The following BMPR1B variants were observed in gnomAD, a reference collection of about 807,000 sequenced individuals.
BMPR1B encodes bone morphogenetic protein receptor type-1B.
A neutral mutation model predicts 59.1 loss-of-function variants in BMPR1B; 12 were observed. That is an observed-to-expected ratio of 0.20 (90% CI 0.13 to 0.33). The LOEUF is 0.33. Among genes scored for constraint, BMPR1B ranks in the 10% least tolerant of loss-of-function variants. The pLI, the probability that BMPR1B is intolerant of heterozygous loss-of-function variation, is 1.00. For missense variants in BMPR1B, 550 were observed against 610.9 expected (o/e 0.90, Z 1.05); for synonymous variants, 237 against 207.3 (o/e 1.14, Z -1.23).
At chr4:94,943,310 T>C (rs897663483) in intron 2 of BMPR1B, among the ~76,000 whole-genome samples, 1 of 152,122 alleles carries the variant, frequency 6.6e-6, no homozygotes, top group African/African-American at 2.4e-5. Flanking sequence ...CAGCTAATTT[T>C]GTATTTTTAG....
intron 1 of BMPR1B, among the ~76,000 whole-genome samples, chr4:94,836,023 T>C (rs375373341): frequency 1.5e-4 from 23 of 149,304 alleles, no homozygotes; most frequent in African/African-American, 5.7e-4. Flanking sequence ...GGTTTTTTGT[T>C]CTTGTGATAG....
At chr4:94,761,612 A>G (rs139975356) in intron 1 of BMPR1B, among the ~76,000 whole-genome samples, 34 of 152,224 alleles carry the variant, frequency 2.2e-4, no homozygotes, top group African/African-American at 7.0e-4. Context: ...TTTTGTTTTA[A>G]AAAAGGCTAA....
chr4:94,834,285 T>C (rs17428564), intron 1 of BMPR1B, among the ~76,000 whole-genome samples: 18,373 of 152,176 alleles, frequency 0.12, 1,169 homozygotes, highest in Non-Finnish European at 0.13. Flanking sequence ...GCAAGAGCTT[T>C]ACAAGTGTAG....
intron 2 of BMPR1B, among the ~76,000 whole-genome samples, chr4:94,909,701 A>G (rs1408181533): frequency 6.6e-6 from 1 of 151,878 alleles, no homozygotes; most frequent in Non-Finnish European, 1.5e-5. Flanking sequence ...CCCTCTCACT[A>G]TAATTATTTG....
intron 3 of BMPR1B, among the ~76,000 whole-genome samples, chr4:95,071,648 G>GCATATATATA (rs1430593586): frequency 9.8e-4 from 103 of 104,754 alleles, no homozygotes; most frequent in African/African-American, 3.9e-3. Context: ...GTGTGTGTGT[G>GCATATATATA]TGTGTATATA....
At chr4:94,975,301 T>C (rs777238788) in intron 2 of BMPR1B, among the ~76,000 whole-genome samples, 6 of 152,110 alleles carry the variant, frequency 3.9e-5, no homozygotes, top group Admixed American at 2.0e-4. Context: ...TTGGATAATT[T>C]AGTGATCAAA....
chr4:94,864,233 A>G lies in BMPR1B; in HGVS notation c.-182-11598A>G, dbSNP rs150452195. ...ATTACTGGGATTCAGTCTTCAGAAG[A>G]CCCTTCGTCTGTGCCAGAACCCCAG... On this transcript the variant is annotated intron_variant, in intron 1 of 12. Coordinates refer to ENST00000515059, the MANE Select transcript of BMPR1B (RefSeq NM_001203.3). Among the ~76,000 whole-genome samples, 18 of 152,220 alleles carry G rather than the reference A, an allele frequency of 1.2e-4. No homozygotes were observed. In the East Asian group the frequency reaches 3.3e-3, roughly 28 times the overall value.
intron 6 of BMPR1B, among the ~76,000 whole-genome samples, chr4:95,119,802 T>C (rs1352825596): frequency 6.6e-6 from 1 of 152,222 alleles, no homozygotes; most frequent in East Asian, 1.9e-4. Flanking sequence ...GAGTAAATCA[T>C]AACACTGACC....
chr4:95,079,811 C>T (rs1728984079), intron 3 of BMPR1B, among the ~76,000 whole-genome samples: 3 of 151,476 alleles, frequency 2.0e-5, no homozygotes, highest in Admixed American at 2.0e-4. Context: ...AAAACAAAAG[C>T]TATCAAATAG....
At chr4:95,131,661 A>C in intron 10 of BMPR1B, 149 bp downstream of exon 10, 1 of 918,054 alleles carries the variant, frequency 1.1e-6, no homozygotes, top group Non-Finnish European at 1.7e-6. Flanking sequence ...TTTTATTAGC[A>C]ACACAGCATA....
At chr4:94,986,992 G>T (rs1277067016) in intron 2 of BMPR1B, among the ~76,000 whole-genome samples, 1 of 148,874 alleles carries the variant, frequency 6.7e-6, no homozygotes, top group Non-Finnish European at 1.5e-5. Context: ...AGTGAGCCGA[G>T]ATCGCGCCAC....
chr4:95,020,198 C>T (rs1277684389), intron 3 of BMPR1B, among the ~76,000 whole-genome samples: 1 of 152,038 alleles, frequency 6.6e-6, no homozygotes, highest in East Asian at 1.9e-4. Flanking sequence ...TTTATTTTTA[C>T]TGCTAGGTAG....
At chr4:94,884,773 A>T (rs1022308892) in intron 2 of BMPR1B, among the ~76,000 whole-genome samples, 2 of 152,036 alleles carry the variant, frequency 1.3e-5, no homozygotes, top group African/African-American at 2.4e-5. Context: ...TGTATCTAAC[A>T]CTCTTTGCAG....
rs958728094 is a variant in BMPR1B, at chr4:95,057,252, C to CT, written c.-17-47145dup. The stretch of plus-strand genomic sequence containing the variant: ...GCAGAGTTAACTGACAGATGTTTCA[C>CT]TTTTTTTTTTTGAGACAGAATCTCA... On this transcript the variant is annotated intron_variant, in intron 3 of 12. Transcript: ENST00000515059. Among the ~76,000 whole-genome samples the CT allele has an allele frequency of 2.5e-3, 372 of 147,146 alleles. 1 individual carries two copies. The highest frequency in any genetic ancestry group is 3.9e-3 in the Admixed American group (57 of 14,704).
chr4:94,955,188 A>T (rs1246888789), intron 2 of BMPR1B, among the ~76,000 whole-genome samples: 3 of 152,226 alleles, frequency 2.0e-5, no homozygotes, highest in South Asian at 4.1e-4. Flanking sequence ...GTGTTAGCTG[A>T]AGATGATTCA....
intron 1 of BMPR1B, among the ~76,000 whole-genome samples, chr4:94,855,185 G>A (rs939794302): frequency 7.2e-5 from 11 of 152,010 alleles, no homozygotes; most frequent in Admixed American, 1.3e-4. Context: ...AATATGTGGG[G>A]GGATAAGAAC....
intron 3 of BMPR1B, among the ~76,000 whole-genome samples, chr4:95,016,448 G>A (rs558251665): frequency 3.3e-5 from 5 of 152,224 alleles, no homozygotes; most frequent in South Asian, 2.1e-4. Context: ...TGTTTTATTC[G>A]TATGATTCAA....
intron 1 of BMPR1B, among the ~76,000 whole-genome samples, chr4:94,807,123 C>G (rs1723635283): frequency 6.6e-6 from 1 of 152,104 alleles, no homozygotes; most frequent in East Asian, 1.9e-4. Context: ...GAGACAGAGT[C>G]TCACTCTGTC....
At chr4:95,053,750 T>A (rs1726704022) in intron 3 of BMPR1B, among the ~76,000 whole-genome samples, 1 of 152,148 alleles carries the variant, frequency 6.6e-6, no homozygotes, top group Non-Finnish European at 1.5e-5. Context: ...ACCAATTGAC[T>A]TTTTTTGTTG....
Sources: gnomAD v4.1 joint callset for allele counts (sites outside exome capture counted in the v4.1 genomes callset) on GRCh38, gnomAD v4.1.1 for gene constraint, MANE v1.5 for transcripts, NCBI Gene and HGNC (gene_info 2026-07-23, HGNC 2026-07-21) for gene names.